The following SPATA17 variants were observed in gnomAD, a reference collection of about 807,000 sequenced individuals.
SPATA17 encodes the protein spermatogenesis-associated protein 17.
A neutral mutation model predicts 62.2 loss-of-function variants in SPATA17; 53 were observed. The ratio of observed to expected loss-of-function variants is 0.85; its 90% CI spans 0.68 to 1.07. The LOEUF is 1.07. Among genes scored for constraint, SPATA17 ranks in the 50% least tolerant of loss-of-function variants. The pLI, the probability that SPATA17 is intolerant of heterozygous loss-of-function variation, is 0.00. For missense variants in SPATA17, 466 were observed against 425.5 expected (o/e 1.10, Z -0.84); for synonymous variants, 146 against 146.8 (o/e 0.99, Z 0.04).
At chr1:217,860,805 T>C (rs1049612508) in intron 9 of SPATA17, among the ~76,000 whole-genome samples, 2 of 152,168 alleles carry the variant, frequency 1.3e-5, no homozygotes, top group African/African-American at 2.4e-5. Flanking sequence ...CTTTTATTGA[T>C]GCATTTAAAC....
intron 9 of SPATA17, among the ~76,000 whole-genome samples, chr1:217,816,176 G>A (rs928187137): frequency 6.6e-6 from 1 of 151,854 alleles, no homozygotes. Flanking sequence ...TTAATATACT[G>A]AGTCTTAGCA....
At chr1:217,804,223 T>G (rs1212424317) in intron 9 of SPATA17, among the ~76,000 whole-genome samples, 3 of 152,134 alleles carry the variant, frequency 2.0e-5, no homozygotes, top group Non-Finnish European at 4.4e-5. Context: ...AACAATGGAA[T>G]AGGATACAGA....
intron 8 of SPATA17, among the ~76,000 whole-genome samples, chr1:217,792,494 A>G (rs1674019568): frequency 6.6e-6 from 1 of 152,156 alleles, no homozygotes; most frequent in Non-Finnish European, 1.5e-5. Context: ...TGACTTGTAA[A>G]TCATAAACTT....
At chr1:217,699,490 C>A (rs149596353) in intron 5 of SPATA17, among the ~76,000 whole-genome samples, 1 of 152,140 alleles carries the variant, frequency 6.6e-6, no homozygotes, top group East Asian at 1.9e-4. Flanking sequence ...GTTTATTTGC[C>A]ATTTGCATAT....
intron 3 of SPATA17, among the ~76,000 whole-genome samples, chr1:217,659,228 A>G (rs1263600110): frequency 6.6e-6 from 1 of 151,996 alleles, no homozygotes; most frequent in Non-Finnish European, 1.5e-5. Context: ...ACACACAAAT[A>G]GAAGTAATAA....
chr1:217,750,732 T>C (rs760730029), intron 6 of SPATA17, among the ~76,000 whole-genome samples: 4 of 152,142 alleles, frequency 2.6e-5, no homozygotes, highest in Non-Finnish European at 5.9e-5. Context: ...GCAGAAAAAT[T>C]TAACAATAGG....
chr1:217,642,378 T>A (rs754798431), intron 1 of SPATA17, among the ~76,000 whole-genome samples: 3 of 152,224 alleles, frequency 2.0e-5, no homozygotes, highest in Non-Finnish European at 4.4e-5. Flanking sequence ...AATCTGTCAC[T>A]CTTATTTATA....
intron 5 of SPATA17, among the ~76,000 whole-genome samples, chr1:217,723,767 G>A (rs1050226887): frequency 1.3e-5 from 2 of 152,240 alleles, no homozygotes; most frequent in African/African-American, 4.8e-5. Flanking sequence ...TCACATGTAT[G>A]ATTGCTAAAG....
intron 5 of SPATA17, among the ~76,000 whole-genome samples, chr1:217,705,430 CTTTTTTTTTTTT>C (rs58138326): frequency 1.9e-4 from 9 of 46,628 alleles, no homozygotes; most frequent in Admixed American, 7.6e-4. Flanking sequence ...TTCTAGTTGT[CTTTTTTTTTTTT>C]TTTTTTTTTT....
intron 5 of SPATA17, among the ~76,000 whole-genome samples, chr1:217,700,924 T>A (rs1383289347): frequency 6.6e-6 from 1 of 151,794 alleles, no homozygotes; most frequent in Non-Finnish European, 1.5e-5. Flanking sequence ...CATTTTTAAA[T>A]ATCATGAAAT....
At chr1:217,847,819 T>G (rs1243341443) in intron 9 of SPATA17, among the ~76,000 whole-genome samples, 1 of 152,060 alleles carries the variant, frequency 6.6e-6, no homozygotes, top group African/African-American at 2.4e-5. Context: ...TGAGCAGATC[T>G]CTTGGAGTTC....
intron 10 of SPATA17, among the ~76,000 whole-genome samples, 166 bp downstream of exon 10, chr1:217,863,022 A>G (rs964784656): frequency 6.6e-6 from 1 of 152,084 alleles, no homozygotes; most frequent in Non-Finnish European, 1.5e-5. Flanking sequence ...GGTTTTCAAC[A>G]TTTAAAAGAT....
chr1:217,806,364 T>C lies in SPATA17; in HGVS notation c.1005+4514T>C, dbSNP rs191666872. Among the ~76,000 whole-genome samples, 5 of 152,158 alleles carry C rather than the reference T, an allele frequency of 3.3e-5. No homozygotes were observed. In the East Asian group the frequency reaches 9.7e-4, roughly 30 times the overall value. On this transcript the variant is annotated intron_variant, in intron 9 of 10. Transcript: ENST00000366933. ...CAGGGTCATCCTGCCCCACAGAATC[T>C]AGAGAGGCGGCCCCACTCTTTGAAA...
intron 9 of SPATA17, among the ~76,000 whole-genome samples, chr1:217,809,355 G>T (rs1005850994): frequency 6.6e-6 from 1 of 152,060 alleles, no homozygotes; most frequent in African/African-American, 2.4e-5. Flanking sequence ...TATCTGTCTT[G>T]GTCTGTTTTG....
At chr1:217,655,825 A>T (rs1051017366) in intron 3 of SPATA17, among the ~76,000 whole-genome samples, 1 of 152,184 alleles carries the variant, frequency 6.6e-6, no homozygotes, top group Non-Finnish European at 1.5e-5. Flanking sequence ...TGATAGAATC[A>T]TATTACTTAA....
chr1:217,646,138 TC>T (rs1409348390), intron 1 of SPATA17, among the ~76,000 whole-genome samples: 1 of 152,144 alleles, frequency 6.6e-6, no homozygotes, highest in African/African-American at 2.4e-5. Flanking sequence ...TGCCTTGGCT[TC>T]AACTATTAAT....
intron 9 of SPATA17, among the ~76,000 whole-genome samples, chr1:217,851,476 C>A (rs1051204517): frequency 5.9e-5 from 9 of 151,764 alleles, no homozygotes; most frequent in Admixed American, 4.6e-4. Context: ...GATTTTAATT[C>A]TTTCATTTAA....
chr1:217,689,442 T>C lies in SPATA17; in HGVS notation c.395+6081T>C, dbSNP rs575028633. Among the ~76,000 whole-genome samples, 84 of 152,150 alleles carry C rather than the reference T, an allele frequency of 5.5e-4. 1 individual carries two copies. Among genetic ancestry groups the C allele is most frequent in the Middle Eastern group, 3.4e-3 (1 of 294 alleles). ...GGTTTCGCCATGTTGGCCAGGCTGG[T>C]CTCGAACTCCTGGCCTCAGGTGATC... On this transcript the variant is annotated intron_variant, in intron 5 of 10. Coordinates refer to ENST00000366933, the MANE Select transcript of SPATA17 (RefSeq NM_138796.4).
chr1:217,793,935 G>A (rs921877736), intron 8 of SPATA17, among the ~76,000 whole-genome samples: 1 of 151,920 alleles, frequency 6.6e-6, no homozygotes, highest in African/African-American at 2.4e-5. Flanking sequence ...CTATCACGGT[G>A]AAACCCCGTC....
Sources: allele counts gnomAD v4.1 joint callset (sites outside exome capture counted in the v4.1 genomes callset), GRCh38; gene constraint gnomAD v4.1.1; transcripts MANE v1.5; gene names NCBI Gene and HGNC (gene_info 2026-07-23, HGNC 2026-07-21).